CPSF1: variants seen among roughly 807,000 people sequenced by gnomAD.
CPSF1 encodes cleavage and polyadenylation specificity factor subunit 1.
CPSF1 carries 106 observed loss-of-function variants against 175.8 expected under a neutral mutation model. The ratio of observed to expected loss-of-function variants is 0.60; its 90% CI spans 0.52 to 0.71. The LOEUF is 0.71. Ranked by LOEUF, CPSF1 falls within the 30% of genes least tolerant of loss-of-function variation. CPSF1 has a pLI of 0.00. For missense variants in CPSF1, 1,734 were observed against 2,022.9 expected, an observed-to-expected ratio of 0.86 and a Z score of 2.74; for synonymous variants, 1,024 against 858.3, an observed-to-expected ratio of 1.19 and a Z score of -3.37.
At chr8:144,406,809 C>A (rs1821519420) in intron 2 of CPSF1, among the ~76,000 whole-genome samples, 1 of 152,238 alleles carries the variant, frequency 6.6e-6, no homozygotes, top group Non-Finnish European at 1.5e-5. Flanking sequence ...GCATCCAAGG[C>A]AGCACAATGT....
In CPSF1 at chr8:144,393,672, G is replaced by A. The variant is rs782274345; in HGVS notation, c.4140C>T (p.Ala1380=). The change falls in exon 36 of 38, where the codon GCC becomes GCT. Residue 1380 remains alanine, a synonymous_variant. Coordinates refer to ENST00000616140, the MANE Select transcript of CPSF1 (RefSeq NM_013291.3). ...LPHHAGLNPR[A]FRMLHVDRRT... ...GGGGCGGGGCCGGGGCTCACCGGAA[G>A]GCGCGGGGGTTGAGGCCGGCGTGGT... 4.5e-6 allele frequency: 7 copies of A among 1,564,044 alleles called. No individual in the cohort carries two copies. Among genetic ancestry groups the A allele is most frequent in the African/African-American group, 4.0e-5 (3 of 74,464 alleles).
Position 144,400,815 on chromosome 8 carries a change from T to C in CPSF1, c.542A>G (p.Gln181Arg). 6.2e-7 allele frequency: 1 copy of C among 1,613,498 alleles called. No homozygotes were observed. The highest frequency in any genetic ancestry group is 1.3e-5 in the African/African-American group (1 of 75,040). ...EEHEGLVGEG[Q>R]RSSFLPSYII... ...GTAGCTGGGCAGGAAGCTGGACCTCTGCCTGGGGGGCCAGGGGCTTCAGCA... is the reference window on the plus strand; with the variant it reads ...GTAGCTGGGCAGGAAGCTGGACCTCCGCCTGGGGGGCCAGGGGCTTCAGCA... The change falls in exon 7 of 38, where the codon CAG becomes CGG. Residue 181 changes from glutamine (Q) to arginine (R), a missense_variant and splice_region_variant. Transcript: ENST00000616140.
At chr8:144,393,840 C>A (rs1554862394) in intron 35 of CPSF1, 43 bp downstream of exon 35, 1 of 1,600,690 alleles carries the variant, frequency 6.2e-7, no homozygotes, top group Admixed American at 1.7e-5. Context: ...CCAGGCCAAC[C>A]CTAGGGCCCC....
intron 17 of CPSF1, 21 bp from the exon 18 acceptor site, chr8:144,398,659 C>T: frequency 6.2e-7 from 1 of 1,612,430 alleles, no homozygotes; most frequent in Non-Finnish European, 8.5e-7. Context: ...CAAAGGGGGG[C>T]AGGCTGGAAG....
In CPSF1 at chr8:144,401,521, A is replaced by G. The variant is rs1821209014; in HGVS notation, c.215T>C (p.Phe72Ser). 1.2e-6 allele frequency: 2 copies of G among 1,613,832 alleles called. No individual in the cohort carries two copies. Among genetic ancestry groups the G allele is most frequent in the Non-Finnish European group, 1.7e-6 (2 of 1,179,982 alleles). The change falls in exon 4 of 38, where the codon TTC becomes TCC. Residue 72 changes from phenylalanine to serine, a missense_variant. By Grantham distance (155) the Phe-to-Ser change is radical. Coordinates refer to ENST00000616140, the MANE Select transcript of CPSF1 (RefSeq NM_013291.3). ...HREKLELAAS[F>S]SFFGNVMSMA... is the part of the protein sequence containing the mutation. ...GGACATGACGTTGCCAAAGAAGGAG[A>G]AGGAGGCAGCAAGCTCGAGCTTCTC...
Position 144,400,449 on chromosome 8 carries a change from G to C in CPSF1, c.731C>G (p.Ser244Ter). The part of the protein sequence containing the change: ...RQDTCSIVAI[S>*]LNITQKVHPV... ...GTGCACCTTCTGCGTGATGTTCAGT[G>C]AGATGGCCACAATGGAGCACGTGTC... Residue 244 changes from serine (S) to a stop codon, truncating the protein, a stop_gained, in exon 8 of 38, where the codon TCA (serine) becomes TGA (stop). Transcript: ENST00000616140. LOFTEE classifies it high-confidence loss of function. The C allele has an allele frequency of 6.2e-7, 1 of 1,613,532 alleles. No individual in the cohort carries two copies. Among genetic ancestry groups the C allele is most frequent in the Non-Finnish European group, 8.5e-7 (1 of 1,179,974 alleles).
In CPSF1 at chr8:144,394,198, C is replaced by T. The variant is rs530381565; in HGVS notation, c.3811+36G>A. On this transcript the variant is annotated intron_variant, in intron 33 of 37. Coordinates refer to ENST00000616140, the MANE Select transcript of CPSF1 (RefSeq NM_013291.3). ...GGCCCAGGGTCAGCCCCGGCCACCC[C>T]CAGAGCCTCAGCTCCCCAGGGCCCT... The T allele has an allele frequency of 2.2e-5, 36 of 1,612,038 alleles. No individual in the cohort carries two copies. In the African/African-American group the frequency reaches 4.8e-4, roughly 21 times the overall value.
At position 144,400,808 on chromosome 8, in the gene CPSF1, G is replaced by C; in HGVS notation, c.549C>G (p.Ser183=). Residue 183 remains serine (S), a synonymous_variant, in exon 7 of 38, where the codon TCC becomes TCG. Transcript: ENST00000616140. ...CGATGATGTAGCTGGGCAGGAAGCTGGACCTCTGCCTGGGGGGCCAGGGGC... is the reference window on the plus strand; with the variant it reads ...CGATGATGTAGCTGGGCAGGAAGCTCGACCTCTGCCTGGGGGGCCAGGGGC... The part of the protein sequence containing the change: ...HEGLVGEGQR[S]SFLPSYIIDV... 6.2e-7 allele frequency: 1 copy of C among 1,613,654 alleles called. No homozygotes were observed. Among genetic ancestry groups the C allele is most frequent in the Non-Finnish European group, 8.5e-7 (1 of 1,179,922 alleles).
At position 144,394,168 on chromosome 8, in the gene CPSF1, G is replaced by C; in HGVS notation, c.3812-8C>G. 6.2e-7 allele frequency: 1 copy of C among 1,612,758 alleles called. No homozygotes were observed. The highest frequency in any genetic ancestry group is 8.5e-7 in the Non-Finnish European group (1 of 1,179,936). On this transcript the variant is annotated splice_region_variant and splice_polypyrimidine_tract_variant and intron_variant, in intron 33 of 37. Coordinates refer to ENST00000616140, the MANE Select transcript of CPSF1 (RefSeq NM_013291.3). ...TGCGGTCGCGGTCAGACACTGGGGA[G>C]CAGAGGCCCAGGGTCAGCCCCGGCC...
intron 23 of CPSF1, 125 bp from the exon 24 acceptor site, chr8:144,397,054 G>A (rs1820811843): frequency 6.7e-6 from 6 of 897,268 alleles, no homozygotes; most frequent in Non-Finnish European, 1.0e-5. Flanking sequence ...TGTATGGGAA[G>A]GGGCGGGGCT....
At chr8:144,406,566 T>C (rs1304188803) in intron 2 of CPSF1, among the ~76,000 whole-genome samples, 1 of 152,120 alleles carries the variant, frequency 6.6e-6, no homozygotes, top group African/African-American at 2.4e-5. Flanking sequence ...TCTCAACCAG[T>C]TTCCAAGGGC....
chr8:144,396,229 C>G, intron 26 of CPSF1, 119 bp downstream of exon 26: 7 of 1,100,242 alleles, frequency 6.4e-6, no homozygotes, highest in Non-Finnish European at 9.1e-6. Flanking sequence ...CCATCGCCCT[C>G]TGGACACTCC....
rs2116870131 is a variant in CPSF1 at position 144,400,097 on chromosome 8, G to A, written c.938-12C>T. ...ACCCTCCTGGGTGCCTGTGGGGTGG[G>A]TGGTCAGGCCGACTAGGCAGGCCCA... On this transcript the variant is annotated splice_polypyrimidine_tract_variant and intron_variant, in intron 9 of 37. Coordinates refer to ENST00000616140, the MANE Select transcript of CPSF1 (RefSeq NM_013291.3). The A allele has an allele frequency of 1.2e-6, 2 of 1,609,154 alleles. No individual in the cohort carries two copies. Among genetic ancestry groups the A allele is most frequent in the South Asian group, 1.1e-5 (1 of 90,766 alleles).
intron 16 of CPSF1, 42 bp downstream of exon 16, chr8:144,398,916 A>G: frequency 6.2e-7 from 1 of 1,611,232 alleles, no homozygotes; most frequent in Non-Finnish European, 8.5e-7. Context: ...GAGCCCACCC[A>G]GGTCCCACCA....
rs199964666 is a variant in CPSF1 at position 144,397,688 on chromosome 8, G to A, written c.2211-27C>T. ...TGGGGGCCAGCAGAAGGTCATGGGCGGCCTGCCAGCCCCAGGGACCCAAGC... is the reference window on the plus strand; with the variant it reads ...TGGGGGCCAGCAGAAGGTCATGGGCAGCCTGCCAGCCCCAGGGACCCAAGC... On this transcript the variant is annotated intron_variant, in intron 21 of 37. Transcript: ENST00000616140. 7.9e-4 allele frequency: 1,232 copies of A among 1,561,292 alleles called. 1 individual carries two copies. The highest frequency in any genetic ancestry group is 1.1e-3 in the South Asian group (93 of 86,198).
intron 23 of CPSF1, 94 bp downstream of exon 23, chr8:144,397,113 G>T: frequency 2.4e-6 from 3 of 1,233,276 alleles, no homozygotes; most frequent in African/African-American, 3.0e-5. Context: ...CCGTGGGGGA[G>T]ATGGGGTGGA....
At position 144,394,635 on chromosome 8, in the gene CPSF1, C is replaced by G. The variant is rs781803683; in HGVS notation, c.3567+9G>C. The G allele has an allele frequency of 6.2e-7, 1 of 1,604,530 alleles. No homozygotes were observed. The highest frequency in any genetic ancestry group is 8.5e-7 in the Non-Finnish European group (1 of 1,176,390). On this transcript the variant is annotated intron_variant, in intron 31 of 37. Coordinates refer to ENST00000616140, the MANE Select transcript of CPSF1 (RefSeq NM_013291.3). ...GCCGGGGGACACACGCCGGGTGGGA[C>G]TGGCACACCTTCTGGCCGATGGCCG...
intron 16 of CPSF1, 33 bp downstream of exon 16, chr8:144,398,925 C>G: frequency 6.2e-7 from 1 of 1,611,968 alleles, no homozygotes; most frequent in Non-Finnish European, 8.5e-7. Flanking sequence ...CAGGTCCCAC[C>G]AGGAGGCGCC....
chr8:144,408,988 C>G (rs2116912543), intron 2 of CPSF1, 27 bp downstream of exon 2: 1,606,206 of 1,608,966 alleles, frequency 1, 801,781 homozygotes, highest in East Asian at 1. Context: ...CGCGGACAGC[C>G]GGGAGGGCTC....
Sources: allele counts gnomAD v4.1 joint callset (sites outside exome capture counted in the v4.1 genomes callset), GRCh38; gene constraint gnomAD v4.1.1; transcripts MANE v1.5; gene names NCBI Gene and HGNC (gene_info 2026-07-23, HGNC 2026-07-21).